The following SORCS2 variants were observed in gnomAD, a reference collection of about 807,000 sequenced individuals.
SORCS2 encodes sortilin related VPS10 domain containing receptor 2.
SORCS2 carries 100 observed loss-of-function variants against 141.6 expected under a neutral mutation model. The observed-to-expected ratio is 0.71, with a 90% CI of 0.60 to 0.83. SORCS2 has a LOEUF of 0.83. Ranked by LOEUF, SORCS2 falls within the 40% of genes least tolerant of loss-of-function variation. The pLI is 0.00. For missense variants in SORCS2, 1,646 were observed against 1,560.2 expected, an observed-to-expected ratio of 1.05 and a Z score of -0.93; for synonymous variants, 789 against 676.9, an observed-to-expected ratio of 1.17 and a Z score of -2.57.
chr4:7,459,211 C>A (rs75178061), intron 2 of SORCS2, among the ~76,000 whole-genome samples: 16 of 152,200 alleles, frequency 1.1e-4, no homozygotes, highest in Non-Finnish European at 1.6e-4. Context: ...GGGACGCTGG[C>A]GAGTCTCTCC....
At chr4:7,606,653 C>T (rs1431806336) in intron 3 of SORCS2, among the ~76,000 whole-genome samples, 2 of 152,162 alleles carry the variant, frequency 1.3e-5, no homozygotes, top group African/African-American at 2.4e-5. Flanking sequence ...TTTGGGTCTG[C>T]ATTATCCTGT....
At chr4:7,253,700 G>A (rs1460914178) in intron 1 of SORCS2, among the ~76,000 whole-genome samples, 1 of 152,226 alleles carries the variant, frequency 6.6e-6, no homozygotes, top group Non-Finnish European at 1.5e-5. Flanking sequence ...GGTGAGAGGT[G>A]CCCAGCTCCT....
chr4:7,458,775 T>C (rs1729087913), intron 2 of SORCS2, among the ~76,000 whole-genome samples: 1 of 150,018 alleles, frequency 6.7e-6, no homozygotes, highest in East Asian at 2.0e-4. Context: ...CCCAAGGGGG[T>C]CCCGGGCACC....
intron 3 of SORCS2, among the ~76,000 whole-genome samples, chr4:7,613,849 GC>G: frequency 6.6e-6 from 1 of 150,682 alleles, no homozygotes; most frequent in South Asian, 2.1e-4. Flanking sequence ...TCACTCATCC[GC>G]CATCTACCCA....
rs1269569995 is a variant in SORCS2 at position 7,386,278 on chromosome 4, G to T, written c.481-10010G>T. Among the ~76,000 whole-genome samples the T allele has an allele frequency of 5.1e-5, 3 of 59,328 alleles. No homozygotes were observed. The East Asian group carries it at 1.8e-3, about 36-fold the overall frequency. 38.9% of individuals were successfully genotyped at this position (59,328 alleles called of 152,430 possible). A position where few individuals can be genotyped will look rare whatever the true frequency, so the allele number is the denominator to read the frequency against. On this transcript the variant is annotated intron_variant, in intron 1 of 26. Transcript: ENST00000507866. Reference sequence around the variant, plus strand: ...CATACAGGTACACAGAGATACACACGCACATGCACACACATGCACACACAT... The same window carrying T: ...CATACAGGTACACAGAGATACACACTCACATGCACACACATGCACACACAT...
chr4:7,382,845 G>A (rs1301116398), intron 1 of SORCS2, among the ~76,000 whole-genome samples: 1 of 152,162 alleles, frequency 6.6e-6, no homozygotes, highest in Admixed American at 6.5e-5. Flanking sequence ...GCCTCCTGCT[G>A]GCACAGGGCT....
At chr4:7,453,798 G>C (rs1467653948) in intron 2 of SORCS2, among the ~76,000 whole-genome samples, 17 of 131,034 alleles carry the variant, frequency 1.3e-4, no homozygotes, top group South Asian at 2.8e-4. Context: ...GTCAGGAGCT[G>C]TGTGTTAGGG....
At position 7,328,972 on chromosome 4, in the gene SORCS2, G is replaced by A. The variant is rs1434286727; in HGVS notation, c.481-67316G>A. Among the ~76,000 whole-genome samples the A allele has an allele frequency of 2.0e-5, 3 of 152,194 alleles. No homozygotes were observed. In the East Asian group the frequency reaches 5.8e-4, roughly 29 times the overall value. On this transcript the variant is annotated intron_variant, in intron 1 of 26. Coordinates refer to ENST00000507866, the MANE Select transcript of SORCS2 (RefSeq NM_020777.3). Reference sequence around the variant, plus strand: ...CCGCAGACCGCTCTTGGCTGACAACGGCTGGTCAGGTGAGGTGTGTGGCCC... The same window carrying A: ...CCGCAGACCGCTCTTGGCTGACAACAGCTGGTCAGGTGAGGTGTGTGGCCC...
chr4:7,558,103 C>T (rs1714268701), intron 3 of SORCS2, among the ~76,000 whole-genome samples: 1 of 152,160 alleles, frequency 6.6e-6, no homozygotes, highest in South Asian at 2.1e-4. Context: ...CCCACTGTGC[C>T]CCCAGGGCTG....
Position 7,740,121 on chromosome 4 carries a change from G to T in SORCS2, c.3416-79G>T, listed in dbSNP as rs890783555. ...ACGTTGGCTCGAGGCACTGCCTGAG[G>T]CCACGACCGTGTCCCCTGTGGCCCT... On this transcript the variant is annotated intron_variant, in intron 26 of 26. Transcript: ENST00000507866. 9 of 1,305,090 alleles carry T rather than the reference G, an allele frequency of 6.9e-6. No individual in the cohort carries two copies. In the African/African-American group the frequency reaches 1.3e-4, roughly 19 times the overall value. The allele number at this position is 1,305,090 out of a possible 1,614,324, so 80.8% of individuals were successfully genotyped here.
chr4:7,373,390 A>G (rs1722382990), intron 1 of SORCS2, among the ~76,000 whole-genome samples: 1 of 146,670 alleles, frequency 6.8e-6, no homozygotes, highest in Admixed American at 6.8e-5. Context: ...GGTAAAGCAA[A>G]TATTCAAATT....
rs185739285 is a variant in SORCS2 at position 7,405,297 on chromosome 4, A to G, written c.548+8942A>G. ...TGAAGTTAGGTAACGTGGTGCCTCC[A>G]GCTTTGTTCTTCTTGCTTAGGATTT... On this transcript the variant is annotated intron_variant, in intron 2 of 26. Transcript: ENST00000507866. 1.0e-3 allele frequency among the ~76,000 whole-genome samples: 159 copies of G among 152,214 alleles called. 1 individual carries two copies. The Middle Eastern group carries it at 0.02, about 20-fold the overall frequency.
At chr4:7,441,650 C>T (rs75606651) in intron 2 of SORCS2, among the ~76,000 whole-genome samples, 11 of 151,116 alleles carry the variant, frequency 7.3e-5, no homozygotes, top group African/African-American at 2.7e-4. Flanking sequence ...CCATCTACCC[C>T]CTCCCCTAGC....
chr4:7,444,229 A>T (rs1008060665), intron 2 of SORCS2, among the ~76,000 whole-genome samples: 1 of 152,238 alleles, frequency 6.6e-6, no homozygotes, highest in African/African-American at 2.4e-5. Flanking sequence ...GAGTTAACAA[A>T]ACAGACAGAA....
At position 7,476,728 on chromosome 4, in the gene SORCS2, C is replaced by G. The variant is rs546453568; in HGVS notation, c.549-54802C>G. On this transcript the variant is annotated intron_variant, in intron 2 of 26. Transcript: ENST00000507866. ...TCTCCAATCATGAACCCTCTCTTGC[C>G]ACACCTCTCTAAGCAGGGACATGGC... Among the ~76,000 whole-genome samples the G allele has an allele frequency of 3.3e-5, 5 of 152,266 alleles. No individual in the cohort carries two copies. In the East Asian group the frequency reaches 5.8e-4, roughly 18 times the overall value.
At chr4:7,507,308 G>A (rs1440777698) in intron 2 of SORCS2, among the ~76,000 whole-genome samples, 1 of 152,086 alleles carries the variant, frequency 6.6e-6, no homozygotes, top group East Asian at 1.9e-4. Context: ...CTGAGTAGCT[G>A]GGATTACAGG....
At chr4:7,267,139 C>A (rs114217886) in intron 1 of SORCS2, among the ~76,000 whole-genome samples, 1 of 150,252 alleles carries the variant, frequency 6.7e-6, no homozygotes, top group African/African-American at 2.5e-5. Flanking sequence ...TCTAATTCAG[C>A]GGAAACACTA....
intron 3 of SORCS2, among the ~76,000 whole-genome samples, chr4:7,545,158 A>T (rs1265607324): frequency 7.2e-6 from 1 of 139,492 alleles, no homozygotes; most frequent in Admixed American, 7.2e-5. Context: ...AAAAAAAAAA[A>T]CTCGAGCTTT....
At chr4:7,422,398 C>T (rs759029939) in intron 2 of SORCS2, among the ~76,000 whole-genome samples, 8 of 152,176 alleles carry the variant, frequency 5.3e-5, no homozygotes, top group Non-Finnish European at 1.0e-4. Context: ...AGGCCCCTCC[C>T]GTGGCCTTCC....
Sources: gnomAD v4.1 joint callset for allele counts (sites outside exome capture counted in the v4.1 genomes callset) on GRCh38, gnomAD v4.1.1 for gene constraint, MANE v1.5 for transcripts, NCBI Gene and HGNC (gene_info 2026-07-23, HGNC 2026-07-21) for gene names.